UBR4: variants seen among roughly 807,000 people sequenced by gnomAD.
UBR4 encodes ubiquitin protein ligase E3 component n-recognin 4, also known as E3 ubiquitin-protein ligase UBR4.
A neutral mutation model predicts 575.6 loss-of-function variants in UBR4; 124 were observed. That is an observed-to-expected ratio of 0.22 (90% confidence interval 0.19 to 0.25). The LOEUF (loss-of-function observed/expected upper bound fraction) is 0.25, where lower values mean the gene tolerates loss of function less well. Among genes scored for constraint, UBR4 ranks in the 10% least tolerant of loss-of-function variants. The pLI is 1.00. For missense variants in UBR4, 4,818 were observed against 6,478.8 expected, an observed-to-expected ratio of 0.74 and a Z score of 8.80; for synonymous variants, 2,455 against 2,473.7, an observed-to-expected ratio of 0.99 and a Z score of 0.22.
At chr1:19,177,241 T>A (rs1253135503) in intron 19 of UBR4, among the ~76,000 whole-genome samples, 1 of 152,074 alleles carries the variant, frequency 6.6e-6, no homozygotes, top group Non-Finnish European at 1.5e-5. Flanking sequence ...CAGCCTACAT[T>A]CCACTTTCAA....
At chr1:19,132,463 T>C (rs1331982817) in intron 60 of UBR4, among the ~76,000 whole-genome samples, 7 of 151,956 alleles carry the variant, frequency 4.6e-5, no homozygotes. Context: ...ATTACAGGTG[T>C]GAGCCACTGG....
intron 66 of UBR4, among the ~76,000 whole-genome samples, 185 bp from the exon 67 acceptor site, chr1:19,122,197 C>T (rs1009291269): frequency 1.3e-5 from 2 of 152,204 alleles, no homozygotes; most frequent in South Asian, 2.1e-4. Flanking sequence ...CTGCTGCAAC[C>T]GCTGCAGCTC....
chr1:19,200,268 T>TA lies in UBR4; in HGVS notation c.275-515dup, dbSNP rs944168674. ...AACAGTAACAATAGCTGATGAGCTT[T>TA]AAAAAAAAAAAGGCAAAAAAAAAAA... On this transcript the variant is annotated intron_variant, in intron 2 of 105. Coordinates refer to ENST00000375254, the MANE Select transcript of UBR4 (RefSeq NM_020765.3). Among the ~76,000 whole-genome samples, 231 of 135,252 alleles carry TA rather than the reference T, an allele frequency of 1.7e-3. 1 individual carries two copies. Among genetic ancestry groups the TA allele is most frequent in the African/African-American group, 4.3e-3 (163 of 38,290 alleles). 88.7% of individuals were successfully genotyped at this position (135,252 alleles called of 152,430 possible). A position where few individuals can be genotyped will look rare whatever the true frequency, so the allele number is the denominator to read the frequency against.
chr1:19,185,573 C>CTTTTTT (rs3068081), intron 14 of UBR4, among the ~76,000 whole-genome samples: 4 of 128,634 alleles, frequency 3.1e-5, no homozygotes, highest in Admixed American at 8.3e-5. Flanking sequence ...TTTCTTTTTT[C>CTTTTTT]TTTTTTTTTT....
intron 25 of UBR4, among the ~76,000 whole-genome samples, 170 bp downstream of exon 25, chr1:19,172,694 T>C (rs2089745792): frequency 6.6e-6 from 1 of 152,158 alleles, no homozygotes; most frequent in African/African-American, 2.4e-5. Context: ...TCCTGCACTA[T>C]TTGAAAATTT....
rs539595873 is a variant in UBR4 at position 19,170,619 on chromosome 1, T to C, written c.3643+143A>G. 54 of 1,140,602 alleles carry C rather than the reference T, an allele frequency of 4.7e-5. No homozygotes were observed. In the South Asian group the frequency reaches 7.7e-4, roughly 16 times the overall value. 70.7% of individuals were successfully genotyped at this position (1,140,602 alleles called of 1,614,324 possible). On this transcript the variant is annotated intron_variant, in intron 26 of 105. Coordinates refer to ENST00000375254, the MANE Select transcript of UBR4 (RefSeq NM_020765.3). ...TCTTGGGTTATTGTGAAGATCAAAA[T>C]AGACAAACCTACCTAAATGCTTGAT...
Position 19,155,152 on chromosome 1 carries a change from T to C in UBR4, c.6301-77A>G, listed in dbSNP as rs1034985027. On this transcript the variant is annotated intron_variant, in intron 43 of 105. Coordinates refer to ENST00000375254, the MANE Select transcript of UBR4 (RefSeq NM_020765.3). ...AACTTCCGGTTTATACTGGTTATTATTTTCAATCATGATCAGGTGCTCTCA... is the reference window on the plus strand; with the variant it reads ...AACTTCCGGTTTATACTGGTTATTACTTTCAATCATGATCAGGTGCTCTCA... 14 of 1,577,058 alleles carry C rather than the reference T, an allele frequency of 8.9e-6. No individual in the cohort carries two copies. The African/African-American group carries it at 1.9e-4, about 21-fold the overall frequency.
intron 71 of UBR4, 137 bp downstream of exon 71, chr1:19,118,735 G>T: frequency 1.3e-6 from 1 of 784,886 alleles, no homozygotes; most frequent in Non-Finnish European, 2.1e-6. Flanking sequence ...ACATGGAGGG[G>T]ATTGGAATCT....
chr1:19,195,279 A>AATAATAATAATG, intron 8 of UBR4, among the ~76,000 whole-genome samples: 1 of 147,452 alleles, frequency 6.8e-6, no homozygotes, highest in African/African-American at 2.5e-5. Context: ...TAATAATAAT[A>AATAATAATAATG]ATAATAATAA....
In UBR4 at chr1:19,089,659, GCTCA is replaced by G. The variant is rs2077334757; in HGVS notation, c.14212-686_14212-683del. ...TAGTTGGAAAAAGCACTCCAGGTGA[GCTCA>G]CTGAGAAATATTACCACATCCCTGA... On this transcript the variant is annotated intron_variant, in intron 97 of 105. Coordinates refer to ENST00000375254, the MANE Select transcript of UBR4 (RefSeq NM_020765.3). This position sits in a 1 kb window ranked among gnomAD's most constrained non-coding sequence, Gnocchi z 4.3. Among the ~76,000 whole-genome samples, 1 of 152,228 alleles carries G rather than the reference GCTCA, an allele frequency of 6.6e-6. No homozygotes were observed. Among genetic ancestry groups the G allele is most frequent in the African/African-American group, 2.4e-5 (1 of 41,452 alleles).
chr1:19,076,653 G>A (rs916118040), intron 105 of UBR4, 87 bp downstream of exon 105: 51 of 1,573,072 alleles, frequency 3.2e-5, no homozygotes, highest in African/African-American at 8.1e-5. Context: ...TCCTCTGGTC[G>A]TGAAGATAAA....
intron 67 of UBR4, 117 bp from the exon 68 acceptor site, chr1:19,121,551 ATGTTCTCTCTGC>A (rs2081180794): frequency 7.7e-7 from 1 of 1,305,098 alleles, no homozygotes; most frequent in South Asian, 1.5e-5. Context: ...TTTCTTTGCC[ATGTTCTCTCTGC>A]TGGACATTGT....
In UBR4 at chr1:19,101,499, G is replaced by A. The variant is rs775352887; in HGVS notation, c.13023+21C>T. 1.9e-6 allele frequency: 3 copies of A among 1,594,878 alleles called. 1 individual carries two copies. In the South Asian group the frequency reaches 3.3e-5, roughly 18 times the overall value. Reference sequence around the variant, plus strand: ...GGCTGTGCTGACACTCGAGAGCCATGGGAAGCACCGCACTGCTTACAGGAT... The same window carrying A: ...GGCTGTGCTGACACTCGAGAGCCATAGGAAGCACCGCACTGCTTACAGGAT... On this transcript the variant is annotated intron_variant, in intron 88 of 105. Transcript: ENST00000375254.
Position 19,151,839 on chromosome 1 carries a change from C to T in UBR4, c.7017G>A (p.Glu2339=). ...ANTKPGGFTI[E]ISNNNSTMVM... Reference sequence around the variant, plus strand: ...CCATAGTGCTATTGTTGTTACTAATCTCAATGGTGAAGCCTCCGGGCTGTA... The same window carrying T: ...CCATAGTGCTATTGTTGTTACTAATTTCAATGGTGAAGCCTCCGGGCTGTA... Residue 2339 remains glutamate, a synonymous_variant, in exon 48 of 106, where the codon GAG becomes GAA. Coordinates refer to ENST00000375254, the MANE Select transcript of UBR4 (RefSeq NM_020765.3). The T allele has an allele frequency of 6.2e-7, 1 of 1,606,000 alleles. No homozygotes were observed. The highest frequency in any genetic ancestry group is 8.5e-7 in the Non-Finnish European group (1 of 1,174,970).
chr1:19,106,794 A>G (rs370258587), intron 82 of UBR4, 43 bp downstream of exon 82: 17 of 1,605,166 alleles, frequency 1.1e-5, no homozygotes, highest in Non-Finnish European at 1.0e-5. Flanking sequence ...GGGCTGTCAG[A>G]GCGCAGGCAG....
chr1:19,116,747 C>A (rs2080584229), intron 73 of UBR4, among the ~76,000 whole-genome samples: 1 of 152,196 alleles, frequency 6.6e-6, no homozygotes. Flanking sequence ...GATCCAGTAT[C>A]AGCAGATACA....
chr1:19,125,914 A>T (rs1412784574), intron 64 of UBR4, among the ~76,000 whole-genome samples: 12 of 152,224 alleles, frequency 7.9e-5, no homozygotes, highest in Admixed American at 7.9e-4. Flanking sequence ...TTCAATGCTC[A>T]CAACAGCCCT....
chr1:19,157,709 G>A lies in UBR4; in HGVS notation c.5760+106C>T. The A allele has an allele frequency of 2.1e-6, 3 of 1,413,758 alleles. No homozygotes were observed. Among genetic ancestry groups the A allele is most frequent in the Non-Finnish European group, 2.9e-6 (3 of 1,045,320 alleles). The allele number at this position is 1,413,758 out of a possible 1,614,324, so 87.6% of individuals were successfully genotyped here. A position where few individuals can be genotyped will look rare whatever the true frequency, so the allele number is the denominator to read the frequency against. On this transcript the variant is annotated intron_variant, in intron 40 of 105. Coordinates refer to ENST00000375254, the MANE Select transcript of UBR4 (RefSeq NM_020765.3). This position sits in a 1 kb window ranked among gnomAD's most constrained non-coding sequence, Gnocchi z 4.4. ...CCTGAAGCATTCTTAGAACGCAGTG[G>A]ACTTTTTCCCACAGAGGGCTAATCC...
In UBR4 at chr1:19,161,254, C is replaced by T. The variant is rs1206608634; in HGVS notation, c.5176-107G>A. 2.1e-5 allele frequency: 22 copies of T among 1,046,514 alleles called. No individual in the cohort carries two copies. In the East Asian group the frequency reaches 4.7e-4, roughly 22 times the overall value. 64.8% of individuals were successfully genotyped at this position (1,046,514 alleles called of 1,614,324 possible). On this transcript the variant is annotated intron_variant, in intron 37 of 105. Transcript: ENST00000375254. ...TGACCCAAAGAAGAAACTGGCTAAG[C>T]GTTTCAATGTTATCCAAAAGCCTAA...
Sources: gnomAD v4.1 joint callset for allele counts (sites outside exome capture counted in the v4.1 genomes callset) on GRCh38, gnomAD v4.1.1 for gene constraint, Gnocchi (gnomAD v3.1) non-coding constraint, MANE v1.5 for transcripts, NCBI Gene and HGNC (gene_info 2026-07-23, HGNC 2026-07-21) for gene names.